The following CENPT variants were observed in gnomAD, a reference collection of about 807,000 sequenced individuals.
CENPT encodes centromere protein T.
Under a neutral mutation model 59.7 loss-of-function variants are expected in CENPT, and 42 were observed. The ratio of observed to expected loss-of-function variants is 0.70; its 90% CI spans 0.55 to 0.91. CENPT has a LOEUF of 0.91. Ranked by LOEUF, CENPT falls within the 40% of genes least tolerant of loss-of-function variation. The probability of loss-of-function intolerance (pLI) is 0.00; values close to 1 mark genes in which losing one functional copy is unlikely to be tolerated. For synonymous variants in CENPT, 295 were observed against 289.6 expected, an observed-to-expected ratio of 1.02 and a Z score of -0.19; for missense variants, 716 against 713.4, an observed-to-expected ratio of 1.00 and a Z score of -0.04.
chr16:67,831,653 T>G, intron 8 of CENPT, 41 bp from the exon 9 acceptor site: 1 of 1,612,908 alleles, frequency 6.2e-7, no homozygotes, highest in African/African-American at 1.3e-5. Context: ...AAGAAAACCA[T>G]GGTAAGTGAT....
Position 67,828,300 on chromosome 16 carries a change from T to C in CENPT, c.1653A>G (p.Ala551=), listed in dbSNP as rs779866609. Reference sequence around the variant, plus strand: ...CAGGGAAGACAGAGTTGCCACTGTATGCACAGGGGATGAGCAGCTGCCGGT... The same window carrying C: ...CAGGGAAGACAGAGTTGCCACTGTACGCACAGGGGATGAGCAGCTGCCGGT... The part of the protein sequence containing the change: ...LEYRQLLIPC[A]YSGNSVFPAQ Residue 551 remains alanine (A), a synonymous_variant, in exon 16 of 16, where the codon GCA becomes GCG. Transcript: ENST00000562787. 9 of 1,607,088 alleles carry C rather than the reference T, an allele frequency of 5.6e-6. No individual in the cohort carries two copies. The highest frequency in any genetic ancestry group is 6.8e-6 in the Non-Finnish European group (8 of 1,174,866).
intron 4 of CENPT, 70 bp downstream of exon 4, chr16:67,833,680 T>C (rs776882439): frequency 3.2e-6 from 3 of 939,066 alleles, no homozygotes; most frequent in South Asian, 2.0e-5. Context: ...GAGTCGACGC[T>C]GGGTTCCACC....
chr16:67,831,977 C>G, intron 7 of CENPT, 35 bp downstream of exon 7: 2 of 1,591,000 alleles, frequency 1.3e-6, no homozygotes, highest in Non-Finnish European at 1.7e-6. Flanking sequence ...CTAAGCTGCC[C>G]ATAGCACAAT....
chr16:67,828,305 AG>A lies in CENPT; in HGVS notation c.1647del (p.Cys550ValfsTer44). The A allele has an allele frequency of 6.2e-7, 1 of 1,608,136 alleles. No individual in the cohort carries two copies. Among genetic ancestry groups the A allele is most frequent in the East Asian group, 2.2e-5 (1 of 44,680 alleles). On this transcript the variant is annotated frameshift_variant, in exon 16 of 16. Coordinates refer to ENST00000562787, the MANE Select transcript of CENPT (RefSeq NM_025082.4). LOFTEE classifies it high-confidence loss of function. The stretch of plus-strand genomic sequence containing the variant: ...AAGACAGAGTTGCCACTGTATGCAC[AG>A]GGGATGAGCAGCTGCCGGTACTCCA... ...LPLEYRQLLI[P>X]CAYSGNSVFP... is the part of the protein sequence containing the mutation.
Position 67,843,631 on chromosome 16 carries a change from C to A in CENPT, c.-492+3770G>T. ...GGCTTAAGGCAGCTGGACTCTCTTG[C>A]TGGTGACCTGGCATCCTCAATTGTT... On this transcript the variant is annotated intron_variant, in intron 1 of 15. Coordinates refer to ENST00000562787, the MANE Select transcript of CENPT (RefSeq NM_025082.4). This position sits in a 1 kb window ranked among gnomAD's most constrained non-coding sequence, Gnocchi z 5.7. 1 of 889,108 alleles carries A rather than the reference C, an allele frequency of 1.1e-6. No individual in the cohort carries two copies. Among genetic ancestry groups the A allele is most frequent in the Non-Finnish European group, 1.7e-6 (1 of 591,748 alleles). The allele number at this position is 889,108 out of a possible 1,614,324, so 55.1% of individuals were successfully genotyped here. A position where few individuals can be genotyped will look rare whatever the true frequency, so the allele number is the denominator to read the frequency against.
intron 1 of CENPT, among the ~76,000 whole-genome samples, chr16:67,841,010 C>CATACATATATATATAT (rs1256263734): frequency 1.7e-4 from 19 of 109,370 alleles, no homozygotes; most frequent in South Asian, 6.7e-4. Context: ...ATACAAAATA[C>CATACATATATATATAT]ATATATATAT....
Position 67,832,054 on chromosome 16 carries a change from G to A in CENPT, c.344C>T (p.Pro115Leu), listed in dbSNP as rs12102580. Residue 115 changes from proline (P) to leucine (L), a missense_variant, in exon 7 of 16, where the codon CCG (proline) becomes CTG (leucine). Coordinates refer to ENST00000562787, the MANE Select transcript of CENPT (RefSeq NM_025082.4). ...PESVVKPVPA[P>L]QAVQPSRQES... ...TTGTCTGGAGGGTTGGACCGCCTGC[G>A]GTGCTGGCACTGGCTTCACTACCGA... is the stretch of plus-strand genomic sequence containing the variant. The A allele has an allele frequency of 9.1e-3, 14,670 of 1,611,270 alleles. 434 individuals carry two copies. The African/African-American group carries it at 0.11, about 12-fold the overall frequency.
At chr16:67,838,656 G>A (rs1406184213) in intron 1 of CENPT, among the ~76,000 whole-genome samples, 1 of 151,700 alleles carries the variant, frequency 6.6e-6, no homozygotes, top group South Asian at 2.1e-4. Flanking sequence ...GGCCAGGCGC[G>A]GTGGCTCACA....
chr16:67,831,031 G>A (rs974720073), intron 10 of CENPT, 185 bp downstream of exon 10: 7 of 752,914 alleles, frequency 9.3e-6, no homozygotes, highest in African/African-American at 3.5e-5. Flanking sequence ...GGGAGACACC[G>A]AGGGACCAAG....
rs1206458921 is a variant in CENPT at position 67,842,716 on chromosome 16, C to A, written c.-492+4685G>T. On this transcript the variant is annotated intron_variant, in intron 1 of 15. Transcript: ENST00000562787. The surrounding 1 kb of genome is among the most constrained non-coding windows in gnomAD (Gnocchi z 4.9). ...GTGGGTGCTTCTCCACCTTCCAGCC[C>A]ACCACAGGCCACCGTCTCTGCAGCG... 1 of 1,604,800 alleles carries A rather than the reference C, an allele frequency of 6.2e-7. No individual in the cohort carries two copies. Among genetic ancestry groups the A allele is most frequent in the South Asian group, 1.1e-5 (1 of 90,006 alleles).
At chr16:67,831,697 C>T (rs2057690402) in intron 8 of CENPT, 57 bp downstream of exon 8, 1 of 1,601,150 alleles carries the variant, frequency 6.2e-7, no homozygotes, top group South Asian at 1.1e-5. Flanking sequence ...CAGGACTCCT[C>T]AGCCTCTCCA....
At chr16:67,828,615 C>A (rs752652513) in intron 14 of CENPT, 37 bp from the exon 15 acceptor site, 1 of 1,613,930 alleles carries the variant, frequency 6.2e-7, no homozygotes, top group Non-Finnish European at 8.5e-7. Flanking sequence ...GCTGAACAGT[C>A]TGATCATGAC....
At position 67,832,067 on chromosome 16, in the gene CENPT, G is replaced by T; in HGVS notation, c.331C>A (p.Pro111Thr). The T allele has an allele frequency of 6.2e-7, 1 of 1,612,298 alleles. No homozygotes were observed. Among genetic ancestry groups the T allele is most frequent in the Non-Finnish European group, 8.5e-7 (1 of 1,178,800 alleles). ...SILMPESVVK[P>T]VPAPQAVQPS... ...TGGACCGCCTGCGGTGCTGGCACTG[G>T]CTTCACTACCGACTCAGGCATCAGG... Residue 111 changes from proline (P) to threonine (T), a missense_variant, in exon 7 of 16, where the codon CCA (proline) becomes ACA (threonine). Transcript: ENST00000562787.
At chr16:67,837,124 C>T (rs886273013) in intron 1 of CENPT, among the ~76,000 whole-genome samples, 1 of 152,008 alleles carries the variant, frequency 6.6e-6, no homozygotes, top group African/African-American at 2.4e-5. Flanking sequence ...TCCGCCTCGG[C>T]CTCCCAAAGT....
Position 67,838,327 on chromosome 16 carries a change from C to T in CENPT, c.-491-2669G>A, listed in dbSNP as rs114575731. 8.1e-3 allele frequency among the ~76,000 whole-genome samples: 1,232 copies of T among 152,222 alleles called. 8 individuals carry two copies. Among genetic ancestry groups the T allele is most frequent in the African/African-American group, 0.023 (942 of 41,534 alleles). On this transcript the variant is annotated intron_variant, in intron 1 of 15. Coordinates refer to ENST00000562787, the MANE Select transcript of CENPT (RefSeq NM_025082.4). The stretch of plus-strand genomic sequence containing the variant: ...TGCTGAATTTTATCTCTACTGCACA[C>T]GTATTTAAACATGGCCAGGCACGGT...
chr16:67,840,077 G>A (rs1357038018), intron 1 of CENPT, among the ~76,000 whole-genome samples: 1 of 152,202 alleles, frequency 6.6e-6, no homozygotes, highest in African/African-American at 2.4e-5. Context: ...AGCACTTTGG[G>A]AGGCCGAGGC....
intron 13 of CENPT, 75 bp from the exon 14 acceptor site, chr16:67,828,918 T>G: frequency 6.8e-7 from 1 of 1,477,644 alleles, no homozygotes; most frequent in East Asian, 2.3e-5. Flanking sequence ...TCTTGCTGGC[T>G]TCTGCTGAGG....
chr16:67,834,087 C>G lies in CENPT; in HGVS notation c.-228G>C, dbSNP rs1412763934. ...TTAATGTAATGCAAGCAGCCCAAGT[C>G]TTGGCTTCTTCATCTGTAAATTGAG... On this transcript the variant is annotated 5_prime_UTR_variant, in exon 4 of 16. Transcript: ENST00000562787. The G allele has an allele frequency of 2.5e-5, 11 of 444,878 alleles. No homozygotes were observed. The highest frequency in any genetic ancestry group is 4.4e-5 in the Admixed American group (1 of 22,754). 27.6% of individuals were successfully genotyped at this position (444,878 alleles called of 1,614,324 possible).
chr16:67,843,002 G>C lies in CENPT; in HGVS notation c.-492+4399C>G, dbSNP rs1239114881. The C allele has an allele frequency of 6.2e-6, 10 of 1,612,500 alleles. No homozygotes were observed. In the Admixed American group the frequency reaches 1.7e-4, roughly 27 times the overall value. ...GACTGCCCAGCTGCAGCCGAACCTGGTATCTGCTTCCGCGGCCGTGCTTCT... is the reference window on the plus strand; with the variant it reads ...GACTGCCCAGCTGCAGCCGAACCTGCTATCTGCTTCCGCGGCCGTGCTTCT... On this transcript the variant is annotated intron_variant, in intron 1 of 15. Coordinates refer to ENST00000562787, the MANE Select transcript of CENPT (RefSeq NM_025082.4). This position sits in a 1 kb window ranked among gnomAD's most constrained non-coding sequence, Gnocchi z 5.7.
Sources: gnomAD v4.1 joint callset for allele counts (sites outside exome capture counted in the v4.1 genomes callset) on GRCh38, gnomAD v4.1.1 for gene constraint, Gnocchi (gnomAD v3.1) non-coding constraint, MANE v1.5 for transcripts, NCBI Gene and HGNC (gene_info 2026-07-23, HGNC 2026-07-21) for gene names.